The following KRT13 variants were observed in gnomAD, a reference collection of about 807,000 sequenced individuals.
KRT13 encodes the protein keratin 13, also known as keratin, type I cytoskeletal 13.
Under a neutral mutation model 40.6 loss-of-function variants are expected in KRT13, and 27 were observed. That is an observed-to-expected ratio of 0.67 (90% CI 0.49 to 0.92). The LOEUF (loss-of-function observed/expected upper bound fraction) is 0.92, where lower values mean the gene tolerates loss of function less well. Among genes scored for constraint, KRT13 ranks in the 40% least tolerant of loss-of-function variants. The pLI, the probability that KRT13 is intolerant of heterozygous loss-of-function variation, is 0.00. For synonymous variants in KRT13, 266 were observed against 240.3 expected (o/e 1.11, Z -0.99); for missense variants, 605 against 611.5 (o/e 0.99, Z 0.11).
rs141432690 is a variant in KRT13, at chr17:41,502,563, G to A, written c.1055C>T (p.Thr352Met). Residue 352 changes from threonine to methionine, a missense_variant, in exon 6 of 8, where the codon ACG (threonine) becomes ATG (methionine). Coordinates refer to ENST00000246635, the MANE Select transcript of KRT13 (RefSeq NM_153490.3). Reference sequence around the variant, plus strand: ...CAGCTGCAGGGCATAGCGGCACTCCGTCTCTGCCACCGTGTTCTCCAGCCC... The same window carrying A: ...CAGCTGCAGGGCATAGCGGCACTCCATCTCTGCCACCGTGTTCTCCAGCCC... Reference protein sequence around the residue: ...KAGLENTVAETECRYALQLQQ... With the variant: ...KAGLENTVAEMECRYALQLQQ... The A allele has an allele frequency of 7.1e-5, 115 of 1,613,632 alleles. 1 individual carries two copies. The highest frequency in any genetic ancestry group is 1.8e-4 in the Admixed American group (11 of 60,012).
At position 41,503,291 on chromosome 17, in the gene KRT13, T is replaced by G. The variant is rs114369311; in HGVS notation, c.731A>C (p.Glu244Ala). Reference sequence around the variant, plus strand: ...CAGCCTGCAATTCCCGCTCACCTCTTCATGGTTCTTCTTCATGTAGGCTAG... The same window carrying G: ...CAGCCTGCAATTCCCGCTCACCTCTGCATGGTTCTTCTTCATGTAGGCTAG... ...EELAYMKKNH[E>A]EEMKEFSNQV... Residue 244 changes from glutamate (E) to alanine (A), a missense_variant, in exon 3 of 8, where the codon GAA becomes GCA. Coordinates refer to ENST00000246635, the MANE Select transcript of KRT13 (RefSeq NM_153490.3). The G allele has an allele frequency of 1.2e-5, 19 of 1,614,136 alleles. No homozygotes were observed. In the African/African-American group the frequency reaches 2.4e-4, roughly 20 times the overall value.
chr17:41,501,587 C>A (rs964850239), intron 7 of KRT13, 132 bp downstream of exon 7: 1 of 1,463,930 alleles, frequency 6.8e-7, no homozygotes, highest in Non-Finnish European at 9.3e-7. Flanking sequence ...CACTTCCACC[C>A]CAGCTCTCCC....
chr17:41,504,354 T>G (rs529905353), intron 1 of KRT13: 1 of 157,888 alleles, frequency 6.3e-6, no homozygotes, highest in Non-Finnish European at 1.4e-5. Flanking sequence ...GCCACATATC[T>G]CACAATCACT....
At chr17:41,503,884 T>TA (rs559349765) in intron 1 of KRT13, among the ~76,000 whole-genome samples, 159 bp from the exon 2 acceptor site, 196 of 151,374 alleles carry the variant, frequency 1.3e-3, no homozygotes, top group African/African-American at 4.0e-3. Context: ...AAATAAAAAA[T>TA]AAAAAAAAAC....
intron 2 of KRT13, 71 bp from the exon 3 acceptor site, chr17:41,503,514 C>T: frequency 3.2e-6 from 5 of 1,575,850 alleles, no homozygotes; most frequent in Admixed American, 1.7e-5. Flanking sequence ...TTCTCCCTAC[C>T]CCTGCACGAG....
In KRT13 at chr17:41,505,257, G is replaced by A; in HGVS notation, c.294C>T (p.Gly98=). Residue 98 remains glycine, a synonymous_variant, in exon 1 of 8, where the codon GGC becomes GGT. Coordinates refer to ENST00000246635, the MANE Select transcript of KRT13 (RefSeq NM_153490.3). ...GFVDFGACDG[G]LLTGNEKITM... is the part of the protein sequence containing the mutation. ...TGATCTTCTCATTGCCAGTGAGGAG[G>A]CCGCCATCACAAGCACCAAAGTCAA... 6.2e-7 allele frequency: 1 copy of A among 1,614,124 alleles called. No homozygotes were observed. The highest frequency in any genetic ancestry group is 8.5e-7 in the Non-Finnish European group (1 of 1,180,028).
At position 41,503,348 on chromosome 17, in the gene KRT13, A is replaced by G. The variant is rs762541345; in HGVS notation, c.674T>C (p.Leu225Pro). The part of the protein sequence containing the change: ...LDELTLSKTD[L>P]EMQIESLNEE... ...ATTCAGGCTCTCGATCTGCATCTCCAGGTCAGTCTTAGACAGAGTGAGCTC... is the reference window on the plus strand; with the variant it reads ...ATTCAGGCTCTCGATCTGCATCTCCGGGTCAGTCTTAGACAGAGTGAGCTC... Residue 225 changes from leucine to proline, a missense_variant, in exon 3 of 8, where the codon CTG becomes CCG. By Grantham distance (98) the Leu-to-Pro change is moderately conservative. Coordinates refer to ENST00000246635, the MANE Select transcript of KRT13 (RefSeq NM_153490.3). 6.8e-5 allele frequency: 110 copies of G among 1,614,154 alleles called. No individual in the cohort carries two copies. Among genetic ancestry groups the G allele is most frequent in the Non-Finnish European group, 8.9e-5 (105 of 1,180,060 alleles).
intron 6 of KRT13, 135 bp downstream of exon 6, chr17:41,502,239 G>A: frequency 6.3e-7 from 1 of 1,594,368 alleles, no homozygotes; most frequent in Non-Finnish European, 8.5e-7. Context: ...GCCTACCAAG[G>A]AAATGTCCCC....
At chr17:41,502,854 C>A in intron 4 of KRT13, 42 bp from the exon 5 acceptor site, 1 of 1,614,164 alleles carries the variant, frequency 6.2e-7, no homozygotes, top group Non-Finnish European at 8.5e-7. Flanking sequence ...AAGCTCAGCT[C>A]GAGCAGCCTG....
chr17:41,502,378 C>A lies in KRT13; in HGVS notation c.1240G>T (p.Ala414Ser). 1.2e-6 allele frequency: 2 copies of A among 1,614,178 alleles called. No homozygotes were observed. Among genetic ancestry groups the A allele is most frequent in the South Asian group, 1.1e-5 (1 of 91,088 alleles). The stretch of plus-strand genomic sequence containing the variant: ...AAGAGGCTGGAGAGGACCTACTTGG[C>A]GTCCTGGCCCTCGAGCAGGCTGCGG... ...TYRSLLEGQD[A>S]KMIGFPSSAG... Residue 414 changes from alanine to serine, a missense_variant, in exon 6 of 8, where the codon GCC becomes TCC. Physicochemically the swap from Ala to Ser is moderately conservative, Grantham distance 99. Coordinates refer to ENST00000246635, the MANE Select transcript of KRT13 (RefSeq NM_153490.3).
chr17:41,504,553 C>T (rs77861427), intron 1 of KRT13: 87 of 167,130 alleles, frequency 5.2e-4, no homozygotes, highest in Non-Finnish European at 6.6e-4. Flanking sequence ...CAGGGCTCAA[C>T]AAAGGGCACC....
rs778370897 is a variant in KRT13 at position 41,501,658 on chromosome 17, T to C, written c.1270+61A>G. On this transcript the variant is annotated intron_variant, in intron 7 of 7. Coordinates refer to ENST00000246635, the MANE Select transcript of KRT13 (RefSeq NM_153490.3). ...CCCTCCCCGCCAGCTCCCACCCCCA[T>C]TGGGGCAGTGAATGGGAGGCTAACT... The C allele has an allele frequency of 2.6e-5, 39 of 1,497,392 alleles. No homozygotes were observed. In the Admixed American group the frequency reaches 2.6e-4, roughly 10 times the overall value. 92.8% of individuals were successfully genotyped at this position (1,497,392 alleles called of 1,614,324 possible).
At chr17:41,503,787 G>C in intron 1 of KRT13, 62 bp from the exon 2 acceptor site, 2 of 1,248,672 alleles carry the variant, frequency 1.6e-6, no homozygotes, top group Non-Finnish European at 1.2e-6. Flanking sequence ...GGCTTCCCTG[G>C]GCCACATTGG....
chr17:41,502,870 G>A, intron 4 of KRT13, 58 bp from the exon 5 acceptor site: 1 of 1,614,216 alleles, frequency 6.2e-7, no homozygotes. Context: ...GCCTGACCAA[G>A]AGGCTGTGTC....
At position 41,502,188 on chromosome 17, in the gene KRT13, T is replaced by A. The variant is rs912304135; in HGVS notation, c.1244+186A>T. On this transcript the variant is annotated intron_variant, in intron 6 of 7. Coordinates refer to ENST00000246635, the MANE Select transcript of KRT13 (RefSeq NM_153490.3). ...GGTCTCTGTTCCCTCCAGTCTAACT[T>A]GGAGGCCCAAATTAGAAAGTTTAAA... 3 of 1,495,798 alleles carry A rather than the reference T, an allele frequency of 2.0e-6. No homozygotes were observed. The African/African-American group carries it at 4.2e-5, about 21-fold the overall frequency. The allele number at this position is 1,495,798 out of a possible 1,614,324, so 92.7% of individuals were successfully genotyped here.
chr17:41,502,216 T>C, intron 6 of KRT13, 158 bp downstream of exon 6: 1 of 1,551,906 alleles, frequency 6.4e-7, no homozygotes, highest in Non-Finnish European at 8.7e-7. Flanking sequence ...AGTTTAAAGG[T>C]GTTAACCCTG....
intron 7 of KRT13, 23 bp downstream of exon 7, chr17:41,501,696 A>T: frequency 6.4e-7 from 1 of 1,573,506 alleles, no homozygotes; most frequent in Non-Finnish European, 8.6e-7. Flanking sequence ...GCCTCCCCCT[A>T]CACCACGGGG....
rs767038726 is a variant in KRT13 at position 41,502,498 on chromosome 17, G to C, written c.1120C>G (p.Leu374Val). The change falls in exon 6 of 8, where the codon CTG becomes GTG. Residue 374 changes from leucine (L) to valine (V), a missense_variant. Physicochemically the swap from Leu to Val is conservative, Grantham distance 32. Transcript: ENST00000246635. ...TCCATCTCACTGCGGAGCTCGCTCAGCTGGGCCTCGATGCTGCTGATGAGT... is the reference window on the plus strand; with the variant it reads ...TCCATCTCACTGCGGAGCTCGCTCACCTGGGCCTCGATGCTGCTGATGAGT... ...QGLISSIEAQ[L>V]SELRSEMECQ... is the part of the protein sequence containing the mutation. The C allele has an allele frequency of 2.5e-6, 4 of 1,614,146 alleles. No homozygotes were observed. In the Admixed American group the frequency reaches 6.7e-5, roughly 27 times the overall value.
At position 41,503,669 on chromosome 17, in the gene KRT13, C is replaced by T. The variant is rs1012324112; in HGVS notation, c.552G>A (p.Arg184=). The change falls in exon 2 of 8, where the codon AGG becomes AGA. Residue 184 remains arginine, a synonymous_variant. Transcript: ENST00000246635. ...TGAGCCTGAAGTCGTCCGCAGCCAGCCTGGCATTGTCAATCTCCAGGATGA... is the reference window on the plus strand; with the variant it reads ...TGAGCCTGAAGTCGTCCGCAGCCAGTCTGGCATTGTCAATCTCCAGGATGA... The part of the protein sequence containing the change: ...NRVILEIDNA[R]LAADDFRLKY... 1.9e-6 allele frequency: 3 copies of T among 1,613,882 alleles called. No homozygotes were observed. Among genetic ancestry groups the T allele is most frequent in the East Asian group, 4.5e-5 (2 of 44,852 alleles).
Sources: gnomAD v4.1 joint callset for allele counts (sites outside exome capture counted in the v4.1 genomes callset) on GRCh38, gnomAD v4.1.1 for gene constraint, MANE v1.5 for transcripts, NCBI Gene and HGNC (gene_info 2026-07-23, HGNC 2026-07-21) for gene names.